PCDHGA11: variants seen among roughly 807,000 people sequenced by gnomAD.
The protein encoded by PCDHGA11 is protocadherin gamma-A11.
Under a neutral mutation model 60.4 loss-of-function variants are expected in PCDHGA11, and 39 were observed. That is an observed-to-expected ratio of 0.65 (90% CI 0.50 to 0.84). The LOEUF (loss-of-function observed/expected upper bound fraction) is 0.84. Among genes scored for constraint, PCDHGA11 ranks in the 40% least tolerant of loss-of-function variants. PCDHGA11 has a pLI of 0.00. For synonymous variants in PCDHGA11, 533 were observed against 510.3 expected (o/e 1.04, Z -0.60); for missense variants, 1,165 against 1,197.7 (o/e 0.97, Z 0.40).
intron 2 of PCDHGA11, among the ~76,000 whole-genome samples, chr5:141,496,767 T>C (rs2099771224): frequency 6.6e-6 from 1 of 152,040 alleles, no homozygotes; most frequent in Non-Finnish European, 1.5e-5. Flanking sequence ...ATCGAGCATC[T>C]ACTATGAGCA....
At position 141,485,662 on chromosome 5, in the gene PCDHGA11, G is replaced by T. The variant is rs778404230; in HGVS notation, c.2434-9145G>T. ...AAAAGGCTCAGGATGCAGATGTGGG[G>T]AGCAATTCGATTAGCAGCTATAGGC... On this transcript the variant is annotated intron_variant, in intron 1 of 3. Coordinates refer to ENST00000398587, the MANE Select transcript of PCDHGA11 (RefSeq NM_018914.3). This position sits in a 1 kb window ranked among gnomAD's most constrained non-coding sequence, Gnocchi z 5.7. The T allele has an allele frequency of 1.1e-5, 18 of 1,612,748 alleles. No individual in the cohort carries two copies. The South Asian group carries it at 1.9e-4, about 17-fold the overall frequency.
intron 1 of PCDHGA11, among the ~76,000 whole-genome samples, chr5:141,472,131 A>C (rs565506002): frequency 6.6e-6 from 1 of 152,264 alleles, no homozygotes; most frequent in Non-Finnish European, 1.5e-5. Flanking sequence ...AGAGAAGTTA[A>C]AAATAAAAGT....
intron 1 of PCDHGA11, among the ~76,000 whole-genome samples, chr5:141,481,743 G>C (rs1257734207): frequency 1.3e-5 from 2 of 152,096 alleles, no homozygotes; most frequent in Non-Finnish European, 2.9e-5. Context: ...CACGAGGTCA[G>C]GAGTCCAAGA....
In PCDHGA11 at chr5:141,476,928, T is replaced by C. The variant is rs1279715094; in HGVS notation, c.2434-17879T>C. 6.2e-7 allele frequency: 1 copy of C among 1,614,142 alleles called. No individual in the cohort carries two copies. The highest frequency in any genetic ancestry group is 2.2e-5 in the East Asian group (1 of 44,868). On this transcript the variant is annotated intron_variant, in intron 1 of 3. Transcript: ENST00000398587. This position sits in a 1 kb window ranked among gnomAD's most constrained non-coding sequence, Gnocchi z 7.6. ...GTGGTACAAGTCCTTGCAACGGATC[T>C]GGATGAAGGCCCCAACGGTGAAATT...
intron 1 of PCDHGA11, among the ~76,000 whole-genome samples, chr5:141,457,900 A>C (rs2098931922): frequency 6.7e-6 from 1 of 149,818 alleles, no homozygotes; most frequent in Admixed American, 6.6e-5. Context: ...CTGTGTAGAC[A>C]AGGTGTGAGG....
intron 1 of PCDHGA11, chr5:141,441,516 C>T (rs1034274864): frequency 4.0e-5 from 7 of 173,082 alleles, no homozygotes; most frequent in Non-Finnish European, 8.7e-5. Flanking sequence ...ACGTCGTCCA[C>T]GTGGCCAAGA....
Position 141,486,567 on chromosome 5 carries a change from C to T in PCDHGA11, c.2434-8240C>T, listed in dbSNP as rs1562113360. On this transcript the variant is annotated intron_variant, in intron 1 of 3. Transcript: ENST00000398587. The surrounding 1 kb of genome is among the most constrained non-coding windows in gnomAD (Gnocchi z 5.0). ...CAGAGGTCACATGAGGTGTTTGTTCCTGAGAACAATCGCCCAGGGGACCTG... is the reference window on the plus strand; with the variant it reads ...CAGAGGTCACATGAGGTGTTTGTTCTTGAGAACAATCGCCCAGGGGACCTG... The T allele has an allele frequency of 6.2e-7, 1 of 1,613,918 alleles. No homozygotes were observed. The highest frequency in any genetic ancestry group is 8.5e-7 in the Non-Finnish European group (1 of 1,179,986).
chr5:141,460,822 C>A (rs2098998601), intron 1 of PCDHGA11, among the ~76,000 whole-genome samples: 2 of 151,502 alleles, frequency 1.3e-5, no homozygotes, highest in South Asian at 4.1e-4. Context: ...TACATATATA[C>A]ACACTTAAAG....
intron 1 of PCDHGA11, chr5:141,478,812 A>C: frequency 1.4e-6 from 2 of 1,453,554 alleles, no homozygotes; most frequent in Non-Finnish European, 1.8e-6. Context: ...TTGCTATCAC[A>C]ACTAACCAAT....
At chr5:141,478,247 G>C (rs1377698933) in intron 1 of PCDHGA11, 1 of 1,613,956 alleles carries the variant, frequency 6.2e-7, no homozygotes, top group Non-Finnish European at 8.5e-7. Context: ...CACAGTGTTC[G>C]GAGTAATCAT....
chr5:141,426,848 C>A (rs1379697529), intron 1 of PCDHGA11: 1 of 456,670 alleles, frequency 2.2e-6, no homozygotes, highest in Non-Finnish European at 4.4e-6. Context: ...AAGGCAAGAA[C>A]GCTCCAGAAT....
chr5:141,494,996 C>A (rs2099758091), intron 2 of PCDHGA11, 131 bp downstream of exon 2: 2 of 1,539,742 alleles, frequency 1.3e-6, no homozygotes, highest in African/African-American at 1.4e-5. Context: ...CCAGGGAGGT[C>A]TTGGTGTGCG....
Position 141,485,220 on chromosome 5 carries a change from C to T in PCDHGA11, c.2434-9587C>T. The T allele has an allele frequency of 6.2e-7, 1 of 1,614,192 alleles. No homozygotes were observed. The highest frequency in any genetic ancestry group is 8.5e-7 in the Non-Finnish European group (1 of 1,180,024). On this transcript the variant is annotated intron_variant, in intron 1 of 3. Transcript: ENST00000398587. This position sits in a 1 kb window ranked among gnomAD's most constrained non-coding sequence, Gnocchi z 5.7. ...TGGACAGAAATCTGGCGGTGGGCTA[C>T]CCTTTTGTTCCTCTTTTACCACCTG... is the stretch of plus-strand genomic sequence containing the variant.
intron 1 of PCDHGA11, among the ~76,000 whole-genome samples, chr5:141,482,057 C>A (rs2099551189): frequency 6.7e-6 from 1 of 149,978 alleles, no homozygotes; most frequent in Non-Finnish European, 1.5e-5. Flanking sequence ...TGCATTCCAG[C>A]CTGGGCAACA....
intron 1 of PCDHGA11, among the ~76,000 whole-genome samples, chr5:141,473,246 A>G (rs1045740920): frequency 7.2e-5 from 11 of 152,224 alleles, no homozygotes; most frequent in Admixed American, 4.6e-4. Context: ...AAGTGAATAC[A>G]TATATAGTCC....
intron 2 of PCDHGA11, among the ~76,000 whole-genome samples, chr5:141,501,236 G>T (rs571684337): frequency 5.5e-4 from 83 of 150,782 alleles, no homozygotes; most frequent in African/African-American, 2.0e-3. Context: ...TCAGTTTTTT[G>T]AGCATGATGT....
At chr5:141,506,241 G>C (rs2237081) in intron 3 of PCDHGA11, among the ~76,000 whole-genome samples, 78,081 of 151,504 alleles carry the variant, frequency 0.52, 20,775 homozygotes, top group African/African-American at 0.63. Context: ...ATGAGGTCAG[G>C]AGTTCGAAAC....
chr5:141,511,048 C>G lies in PCDHGA11; in HGVS notation c.2683C>G (p.Arg895Gly). The G allele has an allele frequency of 6.2e-7, 1 of 1,614,224 alleles. No homozygotes were observed. Among genetic ancestry groups the G allele is most frequent in the Non-Finnish European group, 8.5e-7 (1 of 1,180,028 alleles). ...QFTLQHVPDYRQNVYIPGSNA... is the reference protein window; with the variant it reads ...QFTLQHVPDYGQNVYIPGSNA... ...CACCCTGCAGCACGTGCCCGACTAC[C>G]GCCAGAATGTCTACATCCCAGGCAG... Residue 895 changes from arginine (R) to glycine (G), a missense_variant, in exon 4 of 4, where the codon CGC becomes GGC. Arg to Gly is a moderately radical substitution (Grantham distance 125, BLOSUM62 -2). Transcript: ENST00000398587.
At chr5:141,430,715 A>T in intron 1 of PCDHGA11, 1 of 1,483,384 alleles carries the variant, frequency 6.7e-7, no homozygotes, top group Non-Finnish European at 8.9e-7. Context: ...TCCTGACTTC[A>T]GTGGTTAAGG....
Sources: allele counts gnomAD v4.1 joint callset (sites outside exome capture counted in the v4.1 genomes callset), GRCh38; gene constraint gnomAD v4.1.1; non-coding constraint Gnocchi (gnomAD v3.1); transcripts MANE v1.5; gene names NCBI Gene and HGNC (gene_info 2026-07-23, HGNC 2026-07-21).